Variants in PTPN5 observed in about 807,000 individuals in gnomAD.
PTPN5 encodes tyrosine-protein phosphatase non-receptor type 5.
PTPN5 carries 29 observed loss-of-function variants against 73.9 expected under a neutral mutation model. The observed-to-expected ratio is 0.39, with a 90% CI of 0.29 to 0.54. The LOEUF is 0.54. PTPN5 is among the 20% of genes least tolerant of loss of function. The pLI is 0.65. For synonymous variants in PTPN5, 267 were observed against 304.7 expected (o/e 0.88, Z 1.29); for missense variants, 652 against 751.4 (o/e 0.87, Z 1.55).
At position 18,742,522 on chromosome 11, in the gene PTPN5, A is replaced by T; in HGVS notation, c.484-19T>A. 1.2e-6 allele frequency: 2 copies of T among 1,610,692 alleles called. No individual in the cohort carries two copies. The highest frequency in any genetic ancestry group is 1.7e-6 in the Non-Finnish European group (2 of 1,179,082). On this transcript the variant is annotated intron_variant, in intron 6 of 14. Coordinates refer to ENST00000358540, the MANE Select transcript of PTPN5 (RefSeq NM_006906.2). This position sits in a 1 kb window ranked among gnomAD's most constrained non-coding sequence, Gnocchi z 4.1. ...GCCACACCTGGTTGGGGTGTACAGC[A>T]TCACAGATTTCGGACCACGCTGGCT...
chr11:18,751,719 G>A (rs978965337), intron 3 of PTPN5, among the ~76,000 whole-genome samples: 1 of 152,208 alleles, frequency 6.6e-6, no homozygotes, highest in African/African-American at 2.4e-5. Context: ...GAAGATTCTG[G>A]ACTAAAACAT....
At chr11:18,734,538 T>C (rs1039405283) in intron 9 of PTPN5, among the ~76,000 whole-genome samples, 2 of 152,232 alleles carry the variant, frequency 1.3e-5, no homozygotes, top group African/African-American at 2.4e-5. Context: ...TCTTGCTATG[T>C]TGACTAGGCT....
chr11:18,750,502 T>C (rs1849839401), intron 3 of PTPN5, among the ~76,000 whole-genome samples: 1 of 152,172 alleles, frequency 6.6e-6, no homozygotes, highest in Non-Finnish European at 1.5e-5. Flanking sequence ...CTGGGCTCCA[T>C]GGCCTGTCAA....
At chr11:18,786,918 T>C (rs1227963405) in intron 1 of PTPN5, among the ~76,000 whole-genome samples, 1 of 152,194 alleles carries the variant, frequency 6.6e-6, no homozygotes, top group East Asian at 1.9e-4. Context: ...ATATGGGTCT[T>C]TGTGTTAGAG....
intron 7 of PTPN5, among the ~76,000 whole-genome samples, chr11:18,741,437 G>A (rs188765536): frequency 1.2e-4 from 18 of 152,296 alleles, no homozygotes; most frequent in African/African-American, 4.1e-4. Context: ...GAGTCCCCAT[G>A]AAGGGCCAAG....
intron 2 of PTPN5, among the ~76,000 whole-genome samples, chr11:18,769,249 G>C (rs1018291843): frequency 1.3e-5 from 2 of 152,200 alleles, no homozygotes; most frequent in East Asian, 3.8e-4. Context: ...TTCTCAGGGA[G>C]ACAGACATGC....
chr11:18,771,985 T>G lies in PTPN5; in HGVS notation c.-27A>C. The G allele has an allele frequency of 1.3e-6, 2 of 1,551,914 alleles. No homozygotes were observed. The highest frequency in any genetic ancestry group is 1.7e-6 in the Non-Finnish European group (2 of 1,156,008). ...CCCAAGGTGTCTGGATGGGGAAGGG[T>G]GCCATCTTCCAGGGCAGGAAGCTTT... On this transcript the variant is annotated 5_prime_UTR_variant, in exon 2 of 15. Coordinates refer to ENST00000358540, the MANE Select transcript of PTPN5 (RefSeq NM_006906.2).
intron 9 of PTPN5, 88 bp downstream of exon 9, chr11:18,737,792 A>G: frequency 8.5e-7 from 1 of 1,171,104 alleles, no homozygotes; most frequent in Non-Finnish European, 1.3e-6. Context: ...TCACCCCTAG[A>G]GGCCCAGCTG....
At chr11:18,731,600 T>C (rs1848880445) in intron 12 of PTPN5, among the ~76,000 whole-genome samples, 1 of 152,240 alleles carries the variant, frequency 6.6e-6, no homozygotes, top group Non-Finnish European at 1.5e-5. Flanking sequence ...AGTCCTGAGT[T>C]ACCTGGCTGT....
rs1428339656 is a variant in PTPN5, at chr11:18,742,481, G to A, written c.506C>T (p.Pro169Leu). ...GGGCAGTGGGGTGGGTGGCTCTGGG[G>A]GTGTCCTCAGGAGGTGCCACACCTG... ...TTLVWHLLRT[P>L]PEPPTPLPPE... Residue 169 changes from proline (P) to leucine (L), a missense_variant, in exon 7 of 15, where the codon CCC becomes CTC. Physicochemically the swap from Pro to Leu is moderately conservative, Grantham distance 98. Coordinates refer to ENST00000358540, the MANE Select transcript of PTPN5 (RefSeq NM_006906.2). This position sits in a 1 kb window ranked among gnomAD's most constrained non-coding sequence, Gnocchi z 4.1. The A allele has an allele frequency of 1.2e-6, 2 of 1,613,666 alleles. No individual in the cohort carries two copies. Among genetic ancestry groups the A allele is most frequent in the Non-Finnish European group, 1.7e-6 (2 of 1,179,990 alleles).
intron 1 of PTPN5, among the ~76,000 whole-genome samples, chr11:18,779,862 C>T (rs1383904357): frequency 1.3e-5 from 2 of 152,204 alleles, no homozygotes; most frequent in East Asian, 1.9e-4. Flanking sequence ...CCACAAGGGG[C>T]CTTGGGTCGG....
intron 1 of PTPN5, among the ~76,000 whole-genome samples, chr11:18,774,501 C>T (rs1195929801): frequency 6.6e-6 from 1 of 152,216 alleles, no homozygotes; most frequent in African/African-American, 2.4e-5. Flanking sequence ...TACCAGCTTC[C>T]CCCTGTACTC....
chr11:18,784,421 T>C (rs1218690895), intron 1 of PTPN5, among the ~76,000 whole-genome samples: 1 of 152,014 alleles, frequency 6.6e-6, no homozygotes, highest in Non-Finnish European at 1.5e-5. Flanking sequence ...TGATGCCACT[T>C]ACACGAGGCA....
rs778695955 is a variant in PTPN5, at chr11:18,737,909, C to T, written c.971G>A (p.Arg324Gln). Reference sequence around the variant, plus strand: ...AAGTATGGTTTTGTACCGGTTCTTCCGCACCAGCCCAGGGATGTCGTACTC... The same window carrying T: ...AAGTATGGTTTTGTACCGGTTCTTCTGCACCAGCCCAGGGATGTCGTACTC... ...PKEYDIPGLV[R>Q]KNRYKTILPN... is the part of the protein sequence containing the mutation. Residue 324 changes from arginine (R) to glutamine (Q), a missense_variant, in exon 9 of 15, where the codon CGG becomes CAG. Physicochemically the swap from Arg to Gln is conservative, Grantham distance 43. Around this residue, in one of 3 missense-constraint regions of PTPN5, gnomAD observed 529 missense variants for 573.9 expected, o/e 0.92. Transcript: ENST00000358540. 18 of 1,614,016 alleles carry T rather than the reference C, an allele frequency of 1.1e-5. No individual in the cohort carries two copies. Among genetic ancestry groups the T allele is most frequent in the South Asian group, 5.5e-5 (5 of 91,086 alleles).
intron 1 of PTPN5, among the ~76,000 whole-genome samples, chr11:18,779,066 CA>C: frequency 6.6e-6 from 1 of 152,260 alleles, no homozygotes. Flanking sequence ...GATGTACTTA[CA>C]GAGGGGAAAG....
At position 18,732,650 on chromosome 11, in the gene PTPN5, A is replaced by G; in HGVS notation, c.1271T>C (p.Ile424Thr). The G allele has an allele frequency of 6.2e-7, 1 of 1,613,836 alleles. No homozygotes were observed. The highest frequency in any genetic ancestry group is 8.5e-7 in the Non-Finnish European group (1 of 1,180,004). ...CGTGTGAATGACTTTCTGCACAGTGATCTCAACACCGTCGTACGCCACCTG... is the reference window on the plus strand; with the variant it reads ...CGTGTGAATGACTTTCTGCACAGTGGTCTCAACACCGTCGTACGCCACCTG... Reference protein sequence around the residue: ...EEQVAYDGVEITVQKVIHTED... With the variant: ...EEQVAYDGVETTVQKVIHTED... Residue 424 changes from isoleucine (I) to threonine (T), a missense_variant, in exon 12 of 15, where the codon ATC becomes ACC. Physicochemically the swap from Ile to Thr is moderately conservative, Grantham distance 89. Transcript: ENST00000358540.
rs983931142 is a variant in PTPN5, at chr11:18,733,522, T to C, written c.1080+34A>G. ...GGATCCCATCGACTCAGGCCTCCCC[T>C]TGAGCAAGAGGCCGTCAGGGTGGGA... On this transcript the variant is annotated intron_variant, in intron 10 of 14. Coordinates refer to ENST00000358540, the MANE Select transcript of PTPN5 (RefSeq NM_006906.2). The surrounding 1 kb of genome is among the most constrained non-coding windows in gnomAD (Gnocchi z 4.3). The C allele has an allele frequency of 6.2e-7, 1 of 1,612,882 alleles. No individual in the cohort carries two copies.
chr11:18,772,193 G>A (rs1850934949), intron 1 of PTPN5, 122 bp from the exon 2 acceptor site: 1 of 528,292 alleles, frequency 1.9e-6, no homozygotes, highest in Non-Finnish European at 3.3e-6. Flanking sequence ...CTCCTCCCCT[G>A]GTGCCCTGCT....
rs1849329106 is a variant in PTPN5, at chr11:18,740,754, G to A, written c.764C>T (p.Thr255Ile). ...AAAGCCCTCCTCGTTGCAGCCCGGA[G>A]TGCACATGTCCAGGGTCAGGGAGAC... Reference protein sequence around the residue: ...SNVSLTLDMCTPGCNEEGFGY... With the variant: ...SNVSLTLDMCIPGCNEEGFGY... Residue 255 changes from threonine to isoleucine, a missense_variant, in exon 8 of 15, where the codon ACT (threonine) becomes ATT (isoleucine). Physicochemically the swap from Thr to Ile is moderately conservative, Grantham distance 89. Transcript: ENST00000358540. The A allele has an allele frequency of 1.3e-6, 2 of 1,594,150 alleles. No homozygotes were observed. The highest frequency in any genetic ancestry group is 1.7e-6 in the Non-Finnish European group (2 of 1,168,734).
Sources: allele counts gnomAD v4.1 joint callset (sites outside exome capture counted in the v4.1 genomes callset), GRCh38; gene constraint gnomAD v4.1.1; regional missense constraint gnomAD v4.1.1; non-coding constraint Gnocchi (gnomAD v3.1); transcripts MANE v1.5; gene names NCBI Gene and HGNC (gene_info 2026-07-23, HGNC 2026-07-21).